Variants in KIF4A observed in about 807,000 individuals in gnomAD.
KIF4A encodes kinesin family member 4A.
In KIF4A, 7 loss-of-function variants were observed where a neutral mutation model predicts 105.9. The observed-to-expected ratio is 0.07, with a 90% CI of 0.04 to 0.12. The LOEUF (loss-of-function observed/expected upper bound fraction) is 0.12, where lower values mean the gene tolerates loss of function less well. Among genes scored for constraint, KIF4A ranks in the 10% least tolerant of loss-of-function variants. KIF4A has a pLI of 1.00. For missense variants in KIF4A, 558 were observed against 929.2 expected (o/e 0.60, Z 5.19); for synonymous variants, 281 against 331.3 (o/e 0.85, Z 1.65).
intron 7 of KIF4A, among the ~76,000 whole-genome samples, chrX:70,306,867 T>C (rs991925346): frequency 8.2e-5 from 9 of 109,207 alleles, no homozygotes; most frequent in African/African-American, 3.0e-4. Flanking sequence ...AGAGACAAGA[T>C]CTTGCTCTGT....
chrX:70,369,941 A>G (rs1410211646), intron 15 of KIF4A, among the ~76,000 whole-genome samples: 2 of 111,589 alleles, frequency 1.8e-5, no homozygotes, highest in East Asian at 2.8e-4. Flanking sequence ...GGATACAATG[A>G]TAGTCCCATA....
At chrX:70,352,736 A>G (rs1170661828) in intron 14 of KIF4A, 80 bp downstream of exon 14, 3 of 649,607 alleles carry the variant, frequency 4.6e-6, no homozygotes, top group Non-Finnish European at 7.3e-6. Context: ...TGAAAAAGAG[A>G]ACCTGTGATT....
intron 15 of KIF4A, among the ~76,000 whole-genome samples, chrX:70,360,210 T>C (rs1016918067): frequency 3.6e-5 from 4 of 112,081 alleles, no homozygotes; most frequent in Admixed American, 2.8e-4. Context: ...TTTATAAAAT[T>C]AACACTGCAC....
chrX:70,357,441 C>T lies in KIF4A; in HGVS notation c.1674+3634C>T, dbSNP rs532647058. On this transcript the variant is annotated intron_variant, in intron 15 of 30. Transcript: ENST00000374403. ...AATCTTCTGTCCTGGTTTGCTTTCT[C>T]TAGGGCTGTTGCCCACTCACCAGTT... Among the ~76,000 whole-genome samples the T allele has an allele frequency of 1.4e-3, 156 of 112,425 alleles. 2 individuals carry two copies. In the South Asian group the frequency reaches 0.055, roughly 40 times the overall value.
intron 5 of KIF4A, among the ~76,000 whole-genome samples, chrX:70,300,661 C>T (rs1443144255): frequency 1.8e-5 from 2 of 111,645 alleles, no homozygotes; most frequent in South Asian, 3.8e-4. Context: ...AGCTTAGTTT[C>T]TATCCCTGTG....
chrX:70,411,585 A>G (rs1421238349), intron 28 of KIF4A, among the ~76,000 whole-genome samples: 1 of 110,641 alleles, frequency 9.0e-6, no homozygotes, highest in Non-Finnish European at 1.9e-5. Context: ...ACATTGGAAC[A>G]CCCAAGGGAG....
At chrX:70,403,735 G>T in intron 23 of KIF4A, 129 bp from the exon 24 acceptor site, 1 of 528,104 alleles carries the variant, frequency 1.9e-6, no homozygotes. Flanking sequence ...GAAAAAATAA[G>T]AATAGACTTG....
intron 20 of KIF4A, among the ~76,000 whole-genome samples, chrX:70,391,955 CT>C (rs34793051): frequency 0.049 from 5,378 of 109,380 alleles, 222 homozygotes; most frequent in East Asian, 0.24. Context: ...TGATTTTGTT[CT>C]TTTTTTTATG....
intron 28 of KIF4A, among the ~76,000 whole-genome samples, chrX:70,410,455 C>T (rs928799407): frequency 4.5e-5 from 5 of 111,683 alleles, no homozygotes; most frequent in African/African-American, 6.5e-5. Context: ...GAGTTTGCCA[C>T]GGGTTCATTG....
chrX:70,404,384 C>T (rs189248107), intron 24 of KIF4A, among the ~76,000 whole-genome samples: 13 of 111,322 alleles, frequency 1.2e-4, no homozygotes, highest in Admixed American at 6.7e-4. Context: ...CAAAAAATTA[C>T]AGGAAATTAG....
At position 70,350,409 on chromosome X, in the gene KIF4A, G is replaced by A. The variant is rs891216350; in HGVS notation, c.1432-2191G>A. Among the ~76,000 whole-genome samples, 5 of 111,439 alleles carry A rather than the reference G, an allele frequency of 4.5e-5. No individual in the cohort carries two copies. In the East Asian group the frequency reaches 8.5e-4, roughly 19 times the overall value. The stretch of plus-strand genomic sequence containing the variant: ...CCGAGGCAGGAGAATCACGGGAGCC[G>A]GAGGCAGGGAGGTTGCAGCGAGCTG... On this transcript the variant is annotated intron_variant, in intron 13 of 30. Coordinates refer to ENST00000374403, the MANE Select transcript of KIF4A (RefSeq NM_012310.5).
intron 28 of KIF4A, among the ~76,000 whole-genome samples, chrX:70,410,812 G>T (rs1200153801): frequency 3.6e-5 from 4 of 112,038 alleles, no homozygotes; most frequent in Non-Finnish European, 7.5e-5. Flanking sequence ...GTTCCTAACA[G>T]GCCACTGACC....
chrX:70,290,678 G>A lies in KIF4A; in HGVS notation c.121-13G>A. 8.3e-7 allele frequency: 1 copy of A among 1,203,220 alleles called. No homozygotes were observed. Among genetic ancestry groups the A allele is most frequent in the African/African-American group, 1.7e-5 (1 of 57,498 alleles). The stretch of plus-strand genomic sequence containing the variant: ...CATTTTTAACCTTACGCCTTGTCCC[G>A]TGCCTTCTCTAGGTGGTGGTTGGTA... On this transcript the variant is annotated splice_polypyrimidine_tract_variant and intron_variant, in intron 2 of 30. Coordinates refer to ENST00000374403, the MANE Select transcript of KIF4A (RefSeq NM_012310.5).
intron 13 of KIF4A, among the ~76,000 whole-genome samples, chrX:70,349,786 G>A (rs1356160679): frequency 1.2e-5 from 1 of 85,367 alleles, no homozygotes; most frequent in Non-Finnish European, 2.2e-5. Context: ...GCCGGGCAGA[G>A]ATGCTCCTCA....
intron 15 of KIF4A, among the ~76,000 whole-genome samples, chrX:70,373,092 C>T (rs1052275216): frequency 1.2e-4 from 13 of 108,741 alleles, no homozygotes; most frequent in Non-Finnish European, 2.3e-4. Context: ...GGCAACATGG[C>T]GAAACCCCAT....
intron 3 of KIF4A, among the ~76,000 whole-genome samples, chrX:70,294,943 G>A (rs754226578): frequency 7.2e-5 from 8 of 111,560 alleles, no homozygotes; most frequent in East Asian, 2.8e-4. Context: ...GCATAGTGGC[G>A]CGTGCCTGTA....
At chrX:70,405,265 T>C (rs918136208) in intron 25 of KIF4A, among the ~76,000 whole-genome samples, 1 of 111,750 alleles carries the variant, frequency 8.9e-6, no homozygotes, top group Non-Finnish European at 1.9e-5. Context: ...TAGTGGCATG[T>C]TGTAGCACTA....
intron 15 of KIF4A, among the ~76,000 whole-genome samples, chrX:70,360,354 ACT>A (rs2086069926): frequency 9.2e-6 from 1 of 109,289 alleles, no homozygotes; most frequent in Non-Finnish European, 1.9e-5. Context: ...TCCTTGAGAA[ACT>A]CTCTAGTCCT....
chrX:70,413,670 G>A (rs1339590451), intron 28 of KIF4A, among the ~76,000 whole-genome samples: 2 of 109,036 alleles, frequency 1.8e-5, no homozygotes, highest in Non-Finnish European at 3.8e-5. Flanking sequence ...GCCGGGCACG[G>A]TGGCTCATGC....
Sources: gnomAD v4.1 joint callset for allele counts (sites outside exome capture counted in the v4.1 genomes callset) on GRCh38, gnomAD v4.1.1 for gene constraint, MANE v1.5 for transcripts, NCBI Gene and HGNC (gene_info 2026-07-23, HGNC 2026-07-21) for gene names.